Variants in PLEKHA5 observed in about 807,000 individuals in gnomAD.
PLEKHA5 encodes the protein pleckstrin homology domain containing A5, also known as pleckstrin homology domain-containing family A member 5.
Under a neutral mutation model 181.9 loss-of-function variants are expected in PLEKHA5, and 55 were observed. The observed-to-expected ratio is 0.30, with a 90% CI of 0.24 to 0.38. PLEKHA5 has a LOEUF of 0.38. Ranked by LOEUF, PLEKHA5 falls within the 10% of genes least tolerant of loss-of-function variation. The pLI is 1.00. For missense variants in PLEKHA5, 1,432 were observed against 1,549.5 expected (o/e 0.92, Z 1.27); for synonymous variants, 535 against 529.4 (o/e 1.01, Z -0.15).
At chr12:19,273,537 G>C (rs2073674013) in intron 10 of PLEKHA5, among the ~76,000 whole-genome samples, 1 of 152,084 alleles carries the variant, frequency 6.6e-6, no homozygotes, top group Non-Finnish European at 1.5e-5. Context: ...AATATGGAGG[G>C]TTGGCTGGCT....
At chr12:19,287,750 C>G (rs1054695841) in intron 13 of PLEKHA5, among the ~76,000 whole-genome samples, 194 bp downstream of exon 13, 2 of 152,116 alleles carry the variant, frequency 1.3e-5, no homozygotes, top group Admixed American at 6.6e-5. Context: ...ATACCTTTTC[C>G]TAAGTGTCTG....
In PLEKHA5 at chr12:19,265,656, A is replaced by C. The variant is rs1191576318; in HGVS notation, c.611-94A>C. ...GAACATGAATATAGTTCATTTATGTACAAGAACCTTTTGATTTGGCAAAAA... is the reference window on the plus strand; with the variant it reads ...GAACATGAATATAGTTCATTTATGTCCAAGAACCTTTTGATTTGGCAAAAA... On this transcript the variant is annotated intron_variant, in intron 7 of 31. Transcript: ENST00000429027. The C allele has an allele frequency of 4.2e-6, 3 of 706,376 alleles. No individual in the cohort carries two copies. In the African/African-American group the frequency reaches 5.4e-5, roughly 13 times the overall value. The allele number at this position is 706,376 out of a possible 1,614,324, so 43.8% of individuals were successfully genotyped here.
chr12:19,167,427 T>C (rs2151595386), intron 3 of PLEKHA5, among the ~76,000 whole-genome samples: 1 of 140,660 alleles, frequency 7.1e-6, no homozygotes, highest in African/African-American at 2.8e-5. Flanking sequence ...TTTTTTTTTT[T>C]TTTTTTTGCT....
intron 10 of PLEKHA5, among the ~76,000 whole-genome samples, chr12:19,271,680 A>G (rs2072842910): frequency 6.6e-6 from 1 of 152,170 alleles, no homozygotes; most frequent in Non-Finnish European, 1.5e-5. Flanking sequence ...TATTAAATTT[A>G]CCACTCTAAA....
chr12:19,343,716 T>C (rs368011160), intron 22 of PLEKHA5, among the ~76,000 whole-genome samples: 28 of 152,254 alleles, frequency 1.8e-4, no homozygotes, highest in East Asian at 7.7e-4. Flanking sequence ...GAAAAGGTAA[T>C]GTGTTACACT....
At chr12:19,201,011 A>C (rs573916350) in intron 3 of PLEKHA5, 2 of 152,232 alleles carry the variant, frequency 1.3e-5, no homozygotes, top group Non-Finnish European at 2.9e-5. Flanking sequence ...CTTCATCAAA[A>C]TTTAGAAATT....
At chr12:19,248,514 T>C (rs1208635158) in intron 3 of PLEKHA5, among the ~76,000 whole-genome samples, 1 of 152,168 alleles carries the variant, frequency 6.6e-6, no homozygotes, top group African/African-American at 2.4e-5. Context: ...TTTCTGTGTT[T>C]AGATATATTT....
chr12:19,237,299 A>T (rs980485445), intron 3 of PLEKHA5, among the ~76,000 whole-genome samples: 1 of 152,166 alleles, frequency 6.6e-6, no homozygotes, highest in Non-Finnish European at 1.5e-5. Context: ...TCTTCCTCTT[A>T]GTCTCTCCTT....
intron 3 of PLEKHA5, among the ~76,000 whole-genome samples, chr12:19,202,554 A>G (rs1015897933): frequency 2.6e-5 from 4 of 151,802 alleles, no homozygotes; most frequent in Non-Finnish European, 4.4e-5. Context: ...CAGCTTCACA[A>G]ATGGTTCTGC....
At chr12:19,219,708 A>G (rs2058627142) in intron 3 of PLEKHA5, among the ~76,000 whole-genome samples, 1 of 151,944 alleles carries the variant, frequency 6.6e-6, no homozygotes, top group African/African-American at 2.4e-5. Context: ...TTTTTTTCCC[A>G]TGGATTTTTC....
intron 15 of PLEKHA5, 65 bp from the exon 16 acceptor site, chr12:19,314,749 C>T (rs762999432): frequency 1.9e-5 from 16 of 822,602 alleles, no homozygotes; most frequent in African/African-American, 1.7e-4. Flanking sequence ...TTTACAGTGT[C>T]GTCTTTCAAA....
intron 3 of PLEKHA5, among the ~76,000 whole-genome samples, chr12:19,239,272 G>C (rs915048144): frequency 6.6e-6 from 1 of 152,128 alleles, no homozygotes; most frequent in Non-Finnish European, 1.5e-5. Context: ...GCCCTGCGTT[G>C]TACTCTGCTG....
chr12:19,193,872 A>G (rs1477484487), intron 3 of PLEKHA5, among the ~76,000 whole-genome samples: 2 of 152,276 alleles, frequency 1.3e-5, no homozygotes, highest in African/African-American at 4.8e-5. Flanking sequence ...CAGAAGGGAA[A>G]GTGGGAGCAG....
intron 3 of PLEKHA5, among the ~76,000 whole-genome samples, chr12:19,138,947 A>G (rs898372330): frequency 1.3e-5 from 2 of 152,118 alleles, no homozygotes; most frequent in South Asian, 4.1e-4. Flanking sequence ...GTTTTTTAGT[A>G]TAGCGTTAAT....
Position 19,173,140 on chromosome 12 carries a change from CA to C in PLEKHA5, c.227+40691del, listed in dbSNP as rs2046371619. On this transcript the variant is annotated intron_variant, in intron 3 of 31. Transcript: ENST00000429027. ...CTGGGTTCACGCCATTCTCCTGCCT[CA>C]GCCTCCCGAGTAGCTGGGACTACAG... Among the ~76,000 whole-genome samples, 4 of 148,244 alleles carry C rather than the reference CA, an allele frequency of 2.7e-5. No homozygotes were observed. The South Asian group carries it at 8.8e-4, about 32-fold the overall frequency.
chr12:19,219,279 G>T (rs2058558137), intron 3 of PLEKHA5, among the ~76,000 whole-genome samples: 1 of 152,048 alleles, frequency 6.6e-6, no homozygotes. Flanking sequence ...GCATGCTGAG[G>T]GATGACTGTA....
intron 3 of PLEKHA5, among the ~76,000 whole-genome samples, chr12:19,239,734 A>G (rs2062112735): frequency 6.6e-6 from 1 of 152,200 alleles, no homozygotes; most frequent in South Asian, 2.1e-4. Flanking sequence ...GCCAGCTTCA[A>G]TCTGTGCTGA....
chr12:19,249,006 C>T (rs1465667204), intron 3 of PLEKHA5, among the ~76,000 whole-genome samples: 1 of 152,040 alleles, frequency 6.6e-6, no homozygotes, highest in Non-Finnish European at 1.5e-5. Context: ...TTATGTTTTT[C>T]TCACTGCTTT....
intron 15 of PLEKHA5, among the ~76,000 whole-genome samples, chr12:19,311,129 A>G (rs1160794710): frequency 6.6e-6 from 1 of 152,012 alleles, no homozygotes; most frequent in Non-Finnish European, 1.5e-5. Flanking sequence ...CCCGTCGTAG[A>G]ACCTCTTTCA....
Sources: gnomAD v4.1 joint callset for allele counts (sites outside exome capture counted in the v4.1 genomes callset) on GRCh38, gnomAD v4.1.1 for gene constraint, MANE v1.5 for transcripts, NCBI Gene and HGNC (gene_info 2026-07-23, HGNC 2026-07-21) for gene names.